ABLIM2: variants seen among roughly 807,000 people sequenced by gnomAD.
The protein encoded by ABLIM2 is actin-binding LIM protein 2.
ABLIM2 carries 53 observed loss-of-function variants against 97.7 expected under a neutral mutation model. The ratio of observed to expected loss-of-function variants is 0.54; its 90% CI spans 0.44 to 0.68. The LOEUF (loss-of-function observed/expected upper bound fraction) is 0.68, where lower values mean the gene tolerates loss of function less well. ABLIM2 is among the 30% of genes least tolerant of loss of function. ABLIM2 has a pLI of 0.00. For missense variants in ABLIM2, 835 were observed against 867.2 expected (o/e 0.96, Z 0.47); for synonymous variants, 361 against 345.8 (o/e 1.04, Z -0.49).
intron 15 of ABLIM2, 92 bp from the exon 16 acceptor site, chr4:8,008,292 T>C (rs1578501437): frequency 4.7e-6 from 6 of 1,264,278 alleles, no homozygotes; most frequent in Non-Finnish European, 6.7e-6. Flanking sequence ...TCCTTACTTC[T>C]AACATACGAG....
At chr4:8,051,366 A>G (rs1023395136) in intron 8 of ABLIM2, among the ~76,000 whole-genome samples, 3 of 148,042 alleles carry the variant, frequency 2.0e-5, no homozygotes, top group Non-Finnish European at 4.5e-5. Context: ...GGTCAACATA[A>G]TGAAACCCTG....
chr4:7,977,688 G>A (rs1734608655), intron 20 of ABLIM2, among the ~76,000 whole-genome samples: 2 of 152,080 alleles, frequency 1.3e-5, no homozygotes, highest in Non-Finnish European at 2.9e-5. Flanking sequence ...CTACTCAGGA[G>A]GCTGGGGCAG....
intron 1 of ABLIM2, among the ~76,000 whole-genome samples, chr4:8,151,456 C>T (rs1712728407): frequency 6.6e-6 from 1 of 152,180 alleles, no homozygotes; most frequent in Non-Finnish European, 1.5e-5. Flanking sequence ...GGCAGACATC[C>T]ACAGAAGCTG....
intron 14 of ABLIM2, among the ~76,000 whole-genome samples, chr4:8,010,100 C>T (rs1177919101): frequency 6.6e-6 from 1 of 152,198 alleles, no homozygotes; most frequent in African/African-American, 2.4e-5. Flanking sequence ...TGAAATAGAA[C>T]AAGCAAAAGT....
intron 1 of ABLIM2, among the ~76,000 whole-genome samples, chr4:8,137,715 C>T (rs1035237715): frequency 2.0e-5 from 3 of 152,254 alleles, no homozygotes; most frequent in African/African-American, 4.8e-5. Flanking sequence ...AAAATGCCCC[C>T]ACCAAGTGTC....
In ABLIM2 at chr4:8,021,328, C is replaced by T. The variant is rs185170399; in HGVS notation, c.1268-1025G>A. Among the ~76,000 whole-genome samples, 1 of 152,146 alleles carries T rather than the reference C, an allele frequency of 6.6e-6. No homozygotes were observed. Among genetic ancestry groups the T allele is most frequent in the Admixed American group, 6.6e-5 (1 of 15,266 alleles). On this transcript the variant is annotated intron_variant, in intron 12 of 20. Coordinates refer to ENST00000447017, the MANE Select transcript of ABLIM2 (RefSeq NM_001130083.2). The surrounding 1 kb of genome is among the most constrained non-coding windows in gnomAD (Gnocchi z 5.5). ...CCTGGGTGACGCCCCTCCCCCCACA[C>T]CTGTTTGGGGAATGAGGTGACAGAC...
intron 2 of ABLIM2, among the ~76,000 whole-genome samples, chr4:8,103,181 C>G (rs547634886): frequency 1.3e-5 from 2 of 152,090 alleles, no homozygotes; most frequent in Admixed American, 1.3e-4. Context: ...GGGGCTACCT[C>G]CAGACTTCGT....
intron 6 of ABLIM2, among the ~76,000 whole-genome samples, chr4:8,064,919 C>T (rs112238742): frequency 1.6e-4 from 25 of 152,146 alleles, no homozygotes; most frequent in Admixed American, 5.2e-4. Context: ...AAGACCTAAA[C>T]GCAAGAGCTA....
At chr4:8,017,978 C>T (rs1326125502) in intron 14 of ABLIM2, among the ~76,000 whole-genome samples, 7 of 146,608 alleles carry the variant, frequency 4.8e-5, no homozygotes, top group South Asian at 2.2e-4. Flanking sequence ...GGTGACAGAG[C>T]GAGACTCCGT....
rs768644419 is a variant in ABLIM2, at chr4:8,008,058, C to T, written c.1618+1G>A. ...GCTCCTTCTTCAAAAGAACCACTCA[C>T]GTGAGTGAAAGCTGTCCCCTGCCAT... On this transcript the variant is annotated splice_donor_variant, in intron 16 of 20. Transcript: ENST00000447017. LOFTEE classifies it high-confidence loss of function. 3 of 1,613,938 alleles carry T rather than the reference C, an allele frequency of 1.9e-6. No individual in the cohort carries two copies. The highest frequency in any genetic ancestry group is 8.5e-7 in the Non-Finnish European group (1 of 1,179,836).
At chr4:8,088,802 T>C (rs1427769023) in intron 3 of ABLIM2, among the ~76,000 whole-genome samples, 1 of 152,184 alleles carries the variant, frequency 6.6e-6, no homozygotes, top group Non-Finnish European at 1.5e-5. Flanking sequence ...GCTTCATGTT[T>C]TCTCTATAGG....
At position 8,150,448 on chromosome 4, in the gene ABLIM2, C is replaced by T. The variant is rs931156777; in HGVS notation, c.10+8232G>A. Among the ~76,000 whole-genome samples, 5 of 152,202 alleles carry T rather than the reference C, an allele frequency of 3.3e-5. No individual in the cohort carries two copies. The highest frequency in any genetic ancestry group is 2.1e-4 in the South Asian group (1 of 4,836). The stretch of plus-strand genomic sequence containing the variant: ...GGCCCCATCGTGCCCTGAGGACAGA[C>T]GCCAGCGAGGACAGAGGCAGCATGC... On this transcript the variant is annotated intron_variant, in intron 1 of 20. Coordinates refer to ENST00000447017, the MANE Select transcript of ABLIM2 (RefSeq NM_001130083.2). The surrounding 1 kb of genome is among the most constrained non-coding windows in gnomAD (Gnocchi z 6.3).
Position 8,068,788 on chromosome 4 carries a change from G to A in ABLIM2, c.676-7734C>T, listed in dbSNP as rs938246377. On this transcript the variant is annotated intron_variant, in intron 6 of 20. Transcript: ENST00000447017. The surrounding 1 kb of genome is among the most constrained non-coding windows in gnomAD (Gnocchi z 4.5). ...CAGCTCCCAGCAGCTGCTCCTCACA[G>A]TCATCGGCCCAGTTCAGAGCTCTAG... Among the ~76,000 whole-genome samples the A allele has an allele frequency of 3.9e-5, 6 of 152,380 alleles. No individual in the cohort carries two copies. The highest frequency in any genetic ancestry group is 8.8e-5 in the Non-Finnish European group (6 of 68,038).
chr4:8,070,485 C>T (rs778805922), intron 6 of ABLIM2, among the ~76,000 whole-genome samples: 3 of 152,180 alleles, frequency 2.0e-5, no homozygotes, highest in South Asian at 2.1e-4. Flanking sequence ...ATCAGAAATG[C>T]TGTATTTATT....
chr4:8,108,799 C>T (rs1015828873), intron 1 of ABLIM2, among the ~76,000 whole-genome samples: 2 of 152,258 alleles, frequency 1.3e-5, no homozygotes, highest in Non-Finnish European at 2.9e-5. Context: ...GCCACAGCGG[C>T]TCTGAGAAAG....
At chr4:8,135,651 T>G (rs1485397659) in intron 1 of ABLIM2, among the ~76,000 whole-genome samples, 1 of 152,208 alleles carries the variant, frequency 6.6e-6, no homozygotes. Flanking sequence ...GAAATCAATG[T>G]CTGCTGTTTA....
At position 8,033,345 on chromosome 4, in the gene ABLIM2, C is replaced by G. The variant is rs1029069216; in HGVS notation, c.1047+2804G>C. On this transcript the variant is annotated intron_variant, in intron 10 of 20. Coordinates refer to ENST00000447017, the MANE Select transcript of ABLIM2 (RefSeq NM_001130083.2). The surrounding 1 kb of genome is among the most constrained non-coding windows in gnomAD (Gnocchi z 4.5). ...CTGTTCACAGGAACCATGGTTATTA[C>G]AGCGCAATAACTCGACGGCCTCTGG... Among the ~76,000 whole-genome samples, 1 of 152,216 alleles carries G rather than the reference C, an allele frequency of 6.6e-6. No homozygotes were observed. The highest frequency in any genetic ancestry group is 1.5e-5 in the Non-Finnish European group (1 of 68,040).
chr4:8,023,834 C>T lies in ABLIM2; in HGVS notation c.1268-3531G>A, dbSNP rs1338104872. 6.6e-6 allele frequency among the ~76,000 whole-genome samples: 1 copy of T among 152,106 alleles called. No individual in the cohort carries two copies. Among genetic ancestry groups the T allele is most frequent in the African/African-American group, 2.4e-5 (1 of 41,454 alleles). ...TGCTATTATACTCTAGTTTACAATC[C>T]AATGACACATCCTTCATCGTGGTGC... On this transcript the variant is annotated intron_variant, in intron 12 of 20. Coordinates refer to ENST00000447017, the MANE Select transcript of ABLIM2 (RefSeq NM_001130083.2). This position sits in a 1 kb window ranked among gnomAD's most constrained non-coding sequence, Gnocchi z 5.7.
chr4:8,077,811 CAA>C, intron 5 of ABLIM2, 90 bp from the exon 6 acceptor site: 1 of 1,160,906 alleles, frequency 8.6e-7, no homozygotes, highest in Non-Finnish European at 1.2e-6. Context: ...AGTCTGCCCT[CAA>C]AGTGGGGGAA....
Sources: allele counts gnomAD v4.1 joint callset (sites outside exome capture counted in the v4.1 genomes callset), GRCh38; gene constraint gnomAD v4.1.1; non-coding constraint Gnocchi (gnomAD v3.1); transcripts MANE v1.5; gene names NCBI Gene and HGNC (gene_info 2026-07-23, HGNC 2026-07-21).